Variants in CLEC17A observed in about 807,000 individuals in gnomAD.
CLEC17A encodes C-type lectin domain containing 17A, also known as C-type lectin domain family 17, member A.
CLEC17A carries 37 observed loss-of-function variants against 61.3 expected under a neutral mutation model. The observed-to-expected ratio is 0.60, with a 90% confidence interval of 0.46 to 0.79. CLEC17A has a LOEUF of 0.79. Ranked by LOEUF, CLEC17A falls within the 30% of genes least tolerant of loss-of-function variation. CLEC17A has a pLI of 0.00. For synonymous variants in CLEC17A, 168 were observed against 164.9 expected (o/e 1.02, Z -0.14); for missense variants, 418 against 464.7 (o/e 0.90, Z 0.92).
At chr19:14,609,816 C>T (rs1002775270) in intron 13 of CLEC17A, among the ~76,000 whole-genome samples, 3 of 149,920 alleles carry the variant, frequency 2.0e-5, no homozygotes, top group Admixed American at 6.7e-5. Flanking sequence ...CCAGCCTCAG[C>T]GACAGAGTGA....
At chr19:14,581,128 T>G (rs1026291975), upstream of CLEC17A, among the ~76,000 whole-genome samples, 1 of 152,208 alleles carries the variant, frequency 6.6e-6, no homozygotes, top group South Asian at 2.1e-4. Flanking sequence ...AAACCCAACC[T>G]AATGTTCCCC....
Position 14,586,394 on chromosome 19 carries a change from G to A in CLEC17A, c.122-1220G>A, listed in dbSNP as rs181074562. ...CTGCCTTGGCCTCCCAAAGTGCTGAGATTACAGGCACGAGCCACCACGCCC... is the reference window on the plus strand; with the variant it reads ...CTGCCTTGGCCTCCCAAAGTGCTGAAATTACAGGCACGAGCCACCACGCCC... On this transcript the variant is annotated intron_variant, in intron 2 of 13. Transcript: ENST00000417570. 1.2e-4 allele frequency among the ~76,000 whole-genome samples: 18 copies of A among 152,118 alleles called. 1 individual carries two copies. The East Asian group carries it at 3.5e-3, about 29-fold the overall frequency.
intron 4 of CLEC17A, among the ~76,000 whole-genome samples, chr19:14,593,247 T>A (rs1599544308): frequency 6.9e-6 from 1 of 144,164 alleles, no homozygotes; most frequent in Non-Finnish European, 1.5e-5. Context: ...GAGGCCAAGA[T>A]GGGAGGATCA....
At chr19:14,595,820 G>C (rs953756693) in intron 8 of CLEC17A, among the ~76,000 whole-genome samples, 1 of 151,620 alleles carries the variant, frequency 6.6e-6, no homozygotes, top group Non-Finnish European at 1.5e-5. Flanking sequence ...CGGAGGTAGT[G>C]ATGGTATTGT....
chr19:14,584,463 T>G (rs904185069), intron 2 of CLEC17A: 1 of 152,170 alleles, frequency 6.6e-6, no homozygotes. Context: ...CCAGGGACCC[T>G]GAGGCCATGA....
chr19:14,609,613 G>C (rs192537100), intron 13 of CLEC17A, among the ~76,000 whole-genome samples: 1 of 148,302 alleles, frequency 6.7e-6, no homozygotes, highest in Non-Finnish European at 1.5e-5. Context: ...TGAGGCGGGC[G>C]GATCACTTGA....
chr19:14,591,042 T>C (rs1349556015), intron 3 of CLEC17A, among the ~76,000 whole-genome samples: 1 of 152,006 alleles, frequency 6.6e-6, no homozygotes, highest in Non-Finnish European at 1.5e-5. Context: ...CTGGTCTAGA[T>C]TGCAGGAAGA....
At chr19:14,608,887 C>T (rs953136775) in intron 13 of CLEC17A, among the ~76,000 whole-genome samples, 8 of 151,096 alleles carry the variant, frequency 5.3e-5, no homozygotes, top group Non-Finnish European at 8.8e-5. Flanking sequence ...GCAACTTCTG[C>T]CTCCTGGATT....
intron 10 of CLEC17A, among the ~76,000 whole-genome samples, chr19:14,597,815 G>A (rs1045134134): frequency 1.3e-5 from 2 of 152,088 alleles, no homozygotes; most frequent in African/African-American, 2.4e-5. Context: ...TGTTGACTAA[G>A]CTCGTTTCAA....
chr19:14,594,295 T>A (rs879762809), intron 4 of CLEC17A, among the ~76,000 whole-genome samples: 12 of 151,444 alleles, frequency 7.9e-5, no homozygotes, highest in Admixed American at 5.3e-4. Flanking sequence ...TAAAATAAAA[T>A]AAAAAATAAA....
rs540690981 is a variant in CLEC17A at position 14,607,290 on chromosome 19, C to T, written c.1004+188C>T. On this transcript the variant is annotated intron_variant, in intron 13 of 13. Coordinates refer to ENST00000417570, the MANE Select transcript of CLEC17A (RefSeq NM_001204118.2). The stretch of plus-strand genomic sequence containing the variant: ...CGCAATCTCAGCTCACTGCAAGCTC[C>T]GCCTCCCAGGTTCAAGGTATTCTCT... Among the ~76,000 whole-genome samples the T allele has an allele frequency of 6.8e-4, 103 of 150,560 alleles. No homozygotes were observed. In the Middle Eastern group the frequency reaches 0.01, roughly 15 times the overall value.
intron 10 of CLEC17A, 65 bp downstream of exon 10, chr19:14,597,226 A>G (rs1287190756): frequency 6.2e-6 from 9 of 1,442,138 alleles, no homozygotes; most frequent in Non-Finnish European, 8.6e-6. Flanking sequence ...CTCAGATCCA[A>G]CTCCAAGATC....
At chr19:14,604,722 C>T (rs1330127697) in intron 12 of CLEC17A, among the ~76,000 whole-genome samples, 3 of 151,798 alleles carry the variant, frequency 2.0e-5, no homozygotes, top group African/African-American at 7.3e-5. Flanking sequence ...GGGATCACAC[C>T]ACTGCATTCC....
chr19:14,610,057 C>T lies in CLEC17A; in HGVS notation c.1005-7C>T. 8 of 1,611,286 alleles carry T rather than the reference C, an allele frequency of 5.0e-6. No individual in the cohort carries two copies. The highest frequency in any genetic ancestry group is 6.8e-6 in the Non-Finnish European group (8 of 1,178,122). ...CTGTCCCTCTGCCCACTTTTTCCTC[C>T]ATCCAGCTTCTGGGAGCCAGAGGAA... On this transcript the variant is annotated splice_polypyrimidine_tract_variant and splice_region_variant and intron_variant, in intron 13 of 13. Transcript: ENST00000417570.
intron 10 of CLEC17A, among the ~76,000 whole-genome samples, chr19:14,598,304 T>C (rs891394348): frequency 7.4e-5 from 11 of 149,112 alleles, no homozygotes; most frequent in Admixed American, 3.4e-4. Flanking sequence ...TGTTCTTTCT[T>C]TCTCTCTCTC....
At chr19:14,583,777 G>A (rs1217315135) in intron 2 of CLEC17A, among the ~76,000 whole-genome samples, 1 of 152,138 alleles carries the variant, frequency 6.6e-6, no homozygotes, top group Non-Finnish European at 1.5e-5. Flanking sequence ...TAGGTGCAAA[G>A]TCTCTGAGTT....
chr19:14,600,084 T>C lies in CLEC17A; in HGVS notation c.796T>C (p.Tyr266His). 6.2e-7 allele frequency: 1 copy of C among 1,614,020 alleles called. No homozygotes were observed. The highest frequency in any genetic ancestry group is 8.5e-7 in the Non-Finnish European group (1 of 1,179,894). ...EGWLPFEGKC[Y>H]YFSPSTKSWD... is the part of the protein sequence containing the mutation. Reference sequence around the variant, plus strand: ...CTGGCTGCCCTTTGAGGGCAAGTGTTACTACTTCTCCCCAAGCACCAAGTC... The same window carrying C: ...CTGGCTGCCCTTTGAGGGCAAGTGTCACTACTTCTCCCCAAGCACCAAGTC... The change falls in exon 12 of 14, where the codon TAC (tyrosine) becomes CAC (histidine). Residue 266 changes from tyrosine (Y) to histidine (H), a missense_variant. Transcript: ENST00000417570.
chr19:14,597,088 CT>C lies in CLEC17A; in HGVS notation c.584-9del, dbSNP rs751702233. 1 of 1,612,944 alleles carries C rather than the reference CT, an allele frequency of 6.2e-7. No individual in the cohort carries two copies. Among genetic ancestry groups the C allele is most frequent in the East Asian group, 2.2e-5 (1 of 44,858 alleles). ...GGAGGACCTGGGCTCAATTTGGACTCTTCTTCATAGACCAGGAGTTGATGGA... is the reference window on the plus strand; with the variant it reads ...GGAGGACCTGGGCTCAATTTGGACTCTCTTCATAGACCAGGAGTTGATGGA... On this transcript the variant is annotated splice_polypyrimidine_tract_variant and intron_variant, in intron 9 of 13. Transcript: ENST00000417570.
intron 13 of CLEC17A, among the ~76,000 whole-genome samples, chr19:14,607,406 T>C (rs1250305703): frequency 3.3e-5 from 5 of 151,564 alleles, no homozygotes; most frequent in Admixed American, 3.3e-4. Flanking sequence ...GGTTTCACCG[T>C]GTTAGCCAGG....
Sources: gnomAD v4.1 joint callset for allele counts (sites outside exome capture counted in the v4.1 genomes callset) on GRCh38, gnomAD v4.1.1 for gene constraint, MANE v1.5 for transcripts, NCBI Gene and HGNC (gene_info 2026-07-23, HGNC 2026-07-21) for gene names.